TIAM1: variants seen among roughly 807,000 people sequenced by gnomAD.
TIAM1 encodes the protein TIAM Rac1 associated GEF 1, also known as rho guanine nucleotide exchange factor TIAM1.
A neutral mutation model predicts 163.5 loss-of-function variants in TIAM1; 65 were observed. That is an observed-to-expected ratio of 0.40 (90% CI 0.33 to 0.49). The LOEUF is 0.49. TIAM1 is among the 20% of genes least tolerant of loss of function. The pLI is 0.77. For synonymous variants in TIAM1, 833 were observed against 810.1 expected (o/e 1.03, Z -0.48); for missense variants, 1,789 against 2,044.7 (o/e 0.87, Z 2.41).
intron 2 of TIAM1, among the ~76,000 whole-genome samples, chr21:31,460,662 G>A (rs2147348122): frequency 6.6e-6 from 1 of 152,278 alleles, no homozygotes; most frequent in South Asian, 2.1e-4. Flanking sequence ...TACTGTTGAA[G>A]AACAAGTATA....
chr21:31,386,298 G>T (rs1238532795), intron 2 of TIAM1, among the ~76,000 whole-genome samples: 1 of 152,056 alleles, frequency 6.6e-6, no homozygotes, highest in Non-Finnish European at 1.5e-5. Flanking sequence ...ATCCTGCCCT[G>T]CCCCTGGCTT....
At chr21:31,211,960 A>C in intron 10 of TIAM1, among the ~76,000 whole-genome samples, 1 of 152,270 alleles carries the variant, frequency 6.6e-6, no homozygotes, top group East Asian at 1.9e-4. Flanking sequence ...AAGATATCTC[A>C]GTATTAAATG....
intron 2 of TIAM1, among the ~76,000 whole-genome samples, chr21:31,431,534 T>TTG (rs1490920605): frequency 1.3e-5 from 2 of 152,218 alleles, no homozygotes; most frequent in Admixed American, 1.3e-4. Context: ...CCAAGAACAG[T>TTG]ACCTGACACT....
intron 1 of TIAM1, among the ~76,000 whole-genome samples, chr21:31,464,685 A>G (rs1171502750): frequency 6.6e-6 from 1 of 151,920 alleles, no homozygotes; most frequent in African/African-American, 2.4e-5. Flanking sequence ...TCTACTAAAG[A>G]TACAAAAATT....
At chr21:31,341,946 A>T (rs1230945665) in intron 1 of TIAM1, among the ~76,000 whole-genome samples, 1 of 152,222 alleles carries the variant, frequency 6.6e-6, no homozygotes, top group Non-Finnish European at 1.5e-5. Context: ...ATACATTAGC[A>T]AGACTGATGG....
chr21:31,465,124 G>C (rs1476124042), intron 1 of TIAM1, among the ~76,000 whole-genome samples: 1 of 151,590 alleles, frequency 6.6e-6, no homozygotes, highest in Non-Finnish European at 1.5e-5. Flanking sequence ...CCTCAACCTG[G>C]GAGGTCAAGG....
At chr21:31,428,478 A>C (rs1471726846) in intron 2 of TIAM1, among the ~76,000 whole-genome samples, 1 of 152,228 alleles carries the variant, frequency 6.6e-6, no homozygotes, top group Non-Finnish European at 1.5e-5. Context: ...GTTCAAAGCC[A>C]CTAATGTTTA....
chr21:31,289,983 G>A (rs780826606), intron 2 of TIAM1, among the ~76,000 whole-genome samples: 1 of 152,230 alleles, frequency 6.6e-6, no homozygotes, highest in East Asian at 1.9e-4. Context: ...GCACTATGAT[G>A]CAAATGGTTT....
chr21:31,360,477 G>A (rs1295661929), intron 2 of TIAM1, among the ~76,000 whole-genome samples: 1 of 151,754 alleles, frequency 6.6e-6, no homozygotes, highest in Non-Finnish European at 1.5e-5. Flanking sequence ...GCAATCCAAG[G>A]TAGCTATGGG....
intron 2 of TIAM1, among the ~76,000 whole-genome samples, chr21:31,296,456 A>G (rs1350021290): frequency 6.6e-5 from 10 of 152,212 alleles, no homozygotes; most frequent in Non-Finnish European, 1.5e-4. Flanking sequence ...CCATTTTAAG[A>G]CAGGCAGAAA....
At chr21:31,150,408 G>A (rs918499711) in intron 19 of TIAM1, among the ~76,000 whole-genome samples, 2 of 152,118 alleles carry the variant, frequency 1.3e-5, no homozygotes, top group Non-Finnish European at 2.9e-5. Context: ...CAGGCAAAGT[G>A]TATGGGGGCC....
chr21:31,419,230 C>G (rs911694171), intron 2 of TIAM1, among the ~76,000 whole-genome samples: 3 of 152,204 alleles, frequency 2.0e-5, no homozygotes, highest in African/African-American at 7.2e-5. Flanking sequence ...ATCATTATTG[C>G]TAATTCTCTT....
At position 31,141,356 on chromosome 21, in the gene TIAM1, A is replaced by G. The variant is rs138664657; in HGVS notation, c.3624T>C (p.Asp1208=). 1.7e-5 allele frequency: 27 copies of G among 1,614,074 alleles called. 1 individual carries two copies. The highest frequency in any genetic ancestry group is 1.6e-4 in the Middle Eastern group (1 of 6,084). Residue 1208 remains aspartate, a synonymous_variant, in exon 21 of 28, where the codon GAT becomes GAC. Transcript: ENST00000541036. The surrounding 1 kb of genome is among the most constrained non-coding windows in gnomAD (Gnocchi z 4.7). ...LLLRELFALT[D]AESEEHYHLD... ...GGTGGTAGTGCTCCTCGCTCTCCGC[A>G]TCGGTCAGGGCGAACAGCTCCCTGA...
chr21:31,129,767 T>C (rs2082338449), intron 25 of TIAM1, among the ~76,000 whole-genome samples: 1 of 152,136 alleles, frequency 6.6e-6, no homozygotes, highest in Admixed American at 6.5e-5. Context: ...AAAAAACATG[T>C]GTAGTCAATG....
At chr21:31,373,849 C>A (rs1280917066) in intron 2 of TIAM1, among the ~76,000 whole-genome samples, 1 of 152,128 alleles carries the variant, frequency 6.6e-6, no homozygotes, top group Non-Finnish European at 1.5e-5. Flanking sequence ...TCGTTTAAAT[C>A]AAAATCCCTC....
intron 2 of TIAM1, among the ~76,000 whole-genome samples, chr21:31,299,716 G>T (rs995791867): frequency 6.6e-6 from 1 of 152,164 alleles, no homozygotes; most frequent in Non-Finnish European, 1.5e-5. Flanking sequence ...TTCAGAGCCA[G>T]ACAGAATCGG....
intron 1 of TIAM1, among the ~76,000 whole-genome samples, chr21:31,549,115 T>G (rs1001630064): frequency 7.2e-5 from 11 of 152,108 alleles, no homozygotes; most frequent in African/African-American, 2.7e-4. Flanking sequence ...AATAACTGAG[T>G]GATTCAGAGT....
intron 1 of TIAM1, among the ~76,000 whole-genome samples, chr21:31,552,616 A>C (rs1443842888): frequency 6.6e-6 from 1 of 152,118 alleles, no homozygotes; most frequent in Non-Finnish European, 1.5e-5. Context: ...TCTCCTAAAA[A>C]TACAGAAATT....
At chr21:31,321,265 C>T (rs538940769) in intron 2 of TIAM1, among the ~76,000 whole-genome samples, 1 of 152,336 alleles carries the variant, frequency 6.6e-6, no homozygotes, top group Admixed American at 6.5e-5. Context: ...GCCTCGGACT[C>T]AGGCTCCTCC....
Sources: allele counts gnomAD v4.1 joint callset (sites outside exome capture counted in the v4.1 genomes callset), GRCh38; gene constraint gnomAD v4.1.1; non-coding constraint Gnocchi (gnomAD v3.1); transcripts MANE v1.5; gene names NCBI Gene and HGNC (gene_info 2026-07-23, HGNC 2026-07-21).